BACH2: variants seen among roughly 807,000 people sequenced by gnomAD.
BACH2 encodes BACH transcriptional regulator 2.
In BACH2, 5 loss-of-function variants were observed where a neutral mutation model predicts 61.8. The observed-to-expected ratio is 0.08, with a 90% CI of 0.04 to 0.17. The LOEUF (loss-of-function observed/expected upper bound fraction) is 0.17. BACH2 is among the 10% of genes least tolerant of loss of function. The probability of loss-of-function intolerance (pLI) is 1.00; values close to 1 mark genes in which losing one functional copy is unlikely to be tolerated. For synonymous variants in BACH2, 446 were observed against 440.1 expected (o/e 1.01, Z -0.17); for missense variants, 824 against 1,091.1 (o/e 0.76, Z 3.45).
At chr6:90,176,808 G>C (rs889700662) in intron 4 of BACH2, among the ~76,000 whole-genome samples, 1 of 152,062 alleles carries the variant, frequency 6.6e-6, no homozygotes, top group Non-Finnish European at 1.5e-5. Flanking sequence ...GCTTCACGTA[G>C]CCACAGAGTA....
chr6:90,131,738 C>T (rs548387711), intron 4 of BACH2, among the ~76,000 whole-genome samples: 20 of 152,326 alleles, frequency 1.3e-4, no homozygotes, highest in African/African-American at 4.3e-4. Context: ...GTGGAAAATA[C>T]AGCATTTCAA....
At chr6:90,010,996 C>T (rs996891873) in intron 5 of BACH2, among the ~76,000 whole-genome samples, 5 of 152,160 alleles carry the variant, frequency 3.3e-5, no homozygotes, top group Admixed American at 2.0e-4. Context: ...TTATCAGATA[C>T]ATGACTTGTA....
intron 1 of BACH2, among the ~76,000 whole-genome samples, chr6:90,295,600 T>G (rs1332711312): frequency 2.0e-5 from 3 of 152,030 alleles, no homozygotes; most frequent in South Asian, 2.1e-4. Context: ...CAGTGTCCCC[T>G]TCATAAACCA....
intron 5 of BACH2, among the ~76,000 whole-genome samples, chr6:90,014,316 C>A (rs1367870700): frequency 9.6e-6 from 1 of 104,536 alleles, no homozygotes; most frequent in Non-Finnish European, 2.1e-5. Context: ...GGTTTTATTT[C>A]TTCCTTAAAT....
At chr6:90,295,545 A>G (rs1772319185) in intron 1 of BACH2, among the ~76,000 whole-genome samples, 1 of 152,192 alleles carries the variant, frequency 6.6e-6, no homozygotes, top group East Asian at 1.9e-4. Context: ...GGGTGAGCGA[A>G]GCACAGCGGG....
chr6:90,072,748 G>A (rs1383592795), intron 5 of BACH2, among the ~76,000 whole-genome samples: 1 of 152,118 alleles, frequency 6.6e-6, no homozygotes, highest in Non-Finnish European at 1.5e-5. Context: ...AGGGATAGAA[G>A]AAGAGAGAAC....
chr6:90,287,354 G>T (rs1040057648), intron 1 of BACH2, among the ~76,000 whole-genome samples: 25 of 152,132 alleles, frequency 1.6e-4, no homozygotes, highest in African/African-American at 5.8e-4. Context: ...CTGGGGTGGG[G>T]AGGTAAGTGA....
chr6:90,296,310 T>A (rs1772384375), intron 1 of BACH2, among the ~76,000 whole-genome samples, 170 bp downstream of exon 1: 1 of 150,826 alleles, frequency 6.6e-6, no homozygotes, highest in Admixed American at 6.6e-5. Context: ...GAAAATGCCA[T>A]AAAAGCGGGC....
At chr6:90,182,345 A>C (rs1204840556) in intron 4 of BACH2, among the ~76,000 whole-genome samples, 1 of 152,112 alleles carries the variant, frequency 6.6e-6, no homozygotes, top group Non-Finnish European at 1.5e-5. Context: ...AATGTCCTTC[A>C]TCTTTTTCCT....
intron 5 of BACH2, among the ~76,000 whole-genome samples, chr6:90,034,772 C>T (rs9342216): frequency 0.44 from 66,869 of 151,858 alleles, 17,392 homozygotes; most frequent in East Asian, 0.82. Flanking sequence ...CCAAAGATAA[C>T]TGAAAATATA....
intron 4 of BACH2, among the ~76,000 whole-genome samples, chr6:90,132,357 G>T (rs1784107221): frequency 2.0e-5 from 3 of 152,104 alleles, no homozygotes; most frequent in Admixed American, 2.0e-4. Context: ...TATATACCAA[G>T]CATCAGAACC....
At chr6:89,976,014 G>A (rs556443098) in intron 6 of BACH2, among the ~76,000 whole-genome samples, 4 of 152,254 alleles carry the variant, frequency 2.6e-5, no homozygotes, top group South Asian at 2.1e-4. Context: ...TAACAACATG[G>A]AATCTAATTT....
At chr6:90,258,323 C>G (rs559115372) in intron 2 of BACH2, among the ~76,000 whole-genome samples, 58 of 152,122 alleles carry the variant, frequency 3.8e-4, no homozygotes, top group Non-Finnish European at 6.6e-4. Flanking sequence ...AGAGACTATT[C>G]TTTTCCCATT....
At chr6:90,104,428 A>G (rs1582365303) in intron 4 of BACH2, 1 of 152,350 alleles carries the variant, frequency 6.6e-6, no homozygotes, top group Non-Finnish European at 1.5e-5. Context: ...TTGAGGCAGG[A>G]GCGGTTTCTG....
At chr6:90,226,436 T>C (rs1769918073) in intron 3 of BACH2, among the ~76,000 whole-genome samples, 1 of 152,146 alleles carries the variant, frequency 6.6e-6, no homozygotes, top group Non-Finnish European at 1.5e-5. Flanking sequence ...TTGATTTCCA[T>C]GGTGTAAACT....
chr6:90,115,092 C>T (rs952972725), intron 4 of BACH2, among the ~76,000 whole-genome samples: 17 of 152,294 alleles, frequency 1.1e-4, no homozygotes, highest in African/African-American at 3.4e-4. Flanking sequence ...AATGGCTATA[C>T]TGCCCGAAGC....
rs375683830 is a variant in BACH2, at chr6:90,164,084, C to T, written c.-162+42485G>A. 7.8e-4 allele frequency among the ~76,000 whole-genome samples: 119 copies of T among 152,198 alleles called. 1 individual carries two copies. The South Asian group carries it at 0.022, about 28-fold the overall frequency. On this transcript the variant is annotated intron_variant, in intron 4 of 8. Coordinates refer to ENST00000257749, the MANE Select transcript of BACH2 (RefSeq NM_021813.4). ...AAGATCAGAGCAGAACTGAAGGAAACAGAGACACAAAAAACCTTCAAAAAA... is the reference window on the plus strand; with the variant it reads ...AAGATCAGAGCAGAACTGAAGGAAATAGAGACACAAAAAACCTTCAAAAAA...
intron 5 of BACH2, among the ~76,000 whole-genome samples, chr6:90,014,225 G>A (rs2127782690): frequency 6.7e-6 from 1 of 149,084 alleles, no homozygotes; most frequent in East Asian, 1.9e-4. Flanking sequence ...GGGTAATGAT[G>A]ATCTCATAAA....
In BACH2 at chr6:89,993,530, C is replaced by T. The variant is rs533312706; in HGVS notation, c.243+15072G>A. 2.0e-5 allele frequency among the ~76,000 whole-genome samples: 3 copies of T among 152,298 alleles called. No homozygotes were observed. The South Asian group carries it at 6.2e-4, about 32-fold the overall frequency. On this transcript the variant is annotated intron_variant, in intron 6 of 8. Transcript: ENST00000257749. ...GACCACCGAGTAGTTTGCGTGAAGT[C>T]ATTTTAAACATTAGCGTGAGCCTTA...
Sources: allele counts gnomAD v4.1 joint callset (sites outside exome capture counted in the v4.1 genomes callset), GRCh38; gene constraint gnomAD v4.1.1; transcripts MANE v1.5; gene names NCBI Gene and HGNC (gene_info 2026-07-23, HGNC 2026-07-21).